KLHL32: variants seen among roughly 807,000 people sequenced by gnomAD.
KLHL32 encodes kelch like family member 32, also known as kelch-like protein 32.
In KLHL32, 35 loss-of-function variants were observed where a neutral mutation model predicts 64.8. The ratio of observed to expected loss-of-function variants is 0.54; its 90% CI spans 0.41 to 0.72. The LOEUF is 0.72. KLHL32 is among the 30% of genes least tolerant of loss of function. The pLI is 0.00. For missense variants in KLHL32, 589 were observed against 768.5 expected, an observed-to-expected ratio of 0.77 and a Z score of 2.76; for synonymous variants, 259 against 281.0, an observed-to-expected ratio of 0.92 and a Z score of 0.78.
chr6:96,912,604 T>C, the KLHL32 span, among the ~76,000 whole-genome samples: 2 of 152,160 alleles, frequency 1.3e-5, no homozygotes, highest in African/African-American at 2.4e-5. Flanking sequence ...AAAATAGGGA[T>C]AATACTAATA....
At chr6:96,934,802 TA>T (rs2127993585) in intron 1 of KLHL32, among the ~76,000 whole-genome samples, 1 of 152,362 alleles carries the variant, frequency 6.6e-6, no homozygotes, top group East Asian at 1.9e-4. Flanking sequence ...TACATGGCTT[TA>T]TGTAAGCCAA....
intron 10 of KLHL32, among the ~76,000 whole-genome samples, chr6:97,138,399 C>T (rs576701005): frequency 2.0e-5 from 3 of 152,172 alleles, no homozygotes; most frequent in South Asian, 2.1e-4. Flanking sequence ...ATTAGCTAGG[C>T]GTGGTGGTGT....
the KLHL32 span, among the ~76,000 whole-genome samples, chr6:96,911,824 CTTTT>C: frequency 2.2e-3 from 121 of 54,054 alleles, 2 homozygotes; most frequent in Non-Finnish European, 2.8e-3. Flanking sequence ...CTCGGTCCTT[CTTTT>C]TTTTTTTTTT....
intron 3 of KLHL32, among the ~76,000 whole-genome samples, chr6:96,981,063 C>G (rs1222735399): frequency 6.6e-6 from 1 of 152,124 alleles, no homozygotes; most frequent in Non-Finnish European, 1.5e-5. Flanking sequence ...CATGAGAACT[C>G]ACTCACTATC....
the KLHL32 span, among the ~76,000 whole-genome samples, chr6:96,915,851 G>C: frequency 6.6e-6 from 1 of 152,212 alleles, no homozygotes; most frequent in South Asian, 2.1e-4. Context: ...AGAAAACACA[G>C]AAAAAGCTCT....
intron 4 of KLHL32, among the ~76,000 whole-genome samples, chr6:97,055,499 T>A (rs1475730627): frequency 6.6e-6 from 1 of 152,130 alleles, no homozygotes; most frequent in Non-Finnish European, 1.5e-5. Flanking sequence ...ATTGCTCACC[T>A]TTAAGAATCC....
At chr6:97,045,088 T>C (rs943967690) in intron 4 of KLHL32, among the ~76,000 whole-genome samples, 4 of 152,154 alleles carry the variant, frequency 2.6e-5, no homozygotes, top group African/African-American at 7.2e-5. Flanking sequence ...GATATGTGTC[T>C]TAGAATAATT....
intron 1 of KLHL32, among the ~76,000 whole-genome samples, chr6:96,965,202 A>C (rs567373013): frequency 6.6e-6 from 1 of 152,218 alleles, no homozygotes; most frequent in Non-Finnish European, 1.5e-5. Flanking sequence ...CTATTAATAC[A>C]TAGTATTCCA....
chr6:97,045,284 T>C (rs1346170784), intron 4 of KLHL32, among the ~76,000 whole-genome samples: 1 of 152,210 alleles, frequency 6.6e-6, no homozygotes, highest in Non-Finnish European at 1.5e-5. Flanking sequence ...AATATATTCC[T>C]AGTGAAGTGA....
At chr6:97,039,128 A>G (rs545348197) in intron 3 of KLHL32, among the ~76,000 whole-genome samples, 2 of 151,884 alleles carry the variant, frequency 1.3e-5, no homozygotes, top group South Asian at 4.2e-4. Flanking sequence ...AAGAAAATGG[A>G]ATTAACTAAG....
chr6:97,115,664 C>A lies in KLHL32; in HGVS notation c.1354+1155C>A, dbSNP rs118010222. Among the ~76,000 whole-genome samples the A allele has an allele frequency of 2.6e-4, 40 of 152,246 alleles. No individual in the cohort carries two copies. In the East Asian group the frequency reaches 4.4e-3, roughly 17 times the overall value. On this transcript the variant is annotated intron_variant, in intron 7 of 10. Coordinates refer to ENST00000369261, the MANE Select transcript of KLHL32 (RefSeq NM_052904.4). ...CACATTATAAACATGTGTTTTCAATCTTAGTTTTGAGAAAGGCCCTAAGTG... is the reference window on the plus strand; with the variant it reads ...CACATTATAAACATGTGTTTTCAATATTAGTTTTGAGAAAGGCCCTAAGTG...
chr6:97,006,181 T>C (rs1266895527), intron 3 of KLHL32, among the ~76,000 whole-genome samples: 1 of 152,244 alleles, frequency 6.6e-6, no homozygotes, highest in East Asian at 1.9e-4. Context: ...TTTATGAAGC[T>C]GGGTGCCCTT....
At chr6:96,920,846 A>G (rs992739797), upstream of KLHL32, among the ~76,000 whole-genome samples, 2 of 152,156 alleles carry the variant, frequency 1.3e-5, no homozygotes, top group African/African-American at 2.4e-5. Flanking sequence ...AGCTATCATG[A>G]GTATCCTTTC....
At chr6:97,084,918 G>A (rs967153585) in intron 5 of KLHL32, among the ~76,000 whole-genome samples, 3 of 151,990 alleles carry the variant, frequency 2.0e-5, no homozygotes, top group Admixed American at 2.0e-4. Context: ...TTTAAGAGGA[G>A]TAAAATGAGG....
intron 3 of KLHL32, among the ~76,000 whole-genome samples, chr6:97,026,160 A>C (rs930744146): frequency 1.2e-4 from 19 of 152,138 alleles, no homozygotes; most frequent in African/African-American, 4.1e-4. Context: ...AAGGTGTTTG[A>C]AAGCTTGTGG....
chr6:97,076,005 T>G (rs1791539129), intron 5 of KLHL32, among the ~76,000 whole-genome samples: 1 of 152,178 alleles, frequency 6.6e-6, no homozygotes, highest in African/African-American at 2.4e-5. Flanking sequence ...CCCAAGGAGT[T>G]TATCTTTCAA....
At chr6:97,027,399 A>T (rs1424856089) in intron 3 of KLHL32, among the ~76,000 whole-genome samples, 1 of 152,186 alleles carries the variant, frequency 6.6e-6, no homozygotes, top group Non-Finnish European at 1.5e-5. Flanking sequence ...AGAAACTTCC[A>T]TGTCATTCTT....
At chr6:97,082,640 G>C (rs1792750061) in intron 5 of KLHL32, among the ~76,000 whole-genome samples, 1 of 151,524 alleles carries the variant, frequency 6.6e-6, no homozygotes, top group South Asian at 2.1e-4. Flanking sequence ...TAAATAAAAA[G>C]AAAGAAAAAA....
intron 4 of KLHL32, among the ~76,000 whole-genome samples, chr6:97,055,994 C>T (rs1187704542): frequency 6.6e-6 from 1 of 151,690 alleles, no homozygotes; most frequent in Non-Finnish European, 1.5e-5. Context: ...TCCACTAAAA[C>T]TGTTCTTGGC....
Sources: allele counts gnomAD v4.1 joint callset (sites outside exome capture counted in the v4.1 genomes callset), GRCh38; gene constraint gnomAD v4.1.1; transcripts MANE v1.5; gene names NCBI Gene and HGNC (gene_info 2026-07-23, HGNC 2026-07-21).